ENGASE: variants seen among roughly 807,000 people sequenced by gnomAD.
ENGASE encodes cytosolic endo-beta-N-acetylglucosaminidase.
A neutral mutation model predicts 78.5 loss-of-function variants in ENGASE; 69 were observed. The ratio of observed to expected loss-of-function variants is 0.88; its 90% CI spans 0.72 to 1.07. ENGASE has a LOEUF of 1.07. Among genes scored for constraint, ENGASE ranks in the 50% least tolerant of loss-of-function variants. The pLI is 0.00. For synonymous variants in ENGASE, 408 were observed against 408.9 expected, an observed-to-expected ratio of 1.00 and a Z score of 0.03; for missense variants, 943 against 988.4, an observed-to-expected ratio of 0.95 and a Z score of 0.62.
chr17:79,075,118 C>G (rs534427396), intron 1 of ENGASE, 28 bp downstream of exon 1: 70 of 1,204,560 alleles, frequency 5.8e-5, no homozygotes, highest in Non-Finnish European at 6.9e-5. Flanking sequence ...GCGTGAACCC[C>G]GATCCGCGGG....
intron 7 of ENGASE, 125 bp from the exon 8 acceptor site, chr17:79,082,895 G>A: frequency 6.4e-7 from 1 of 1,571,978 alleles, no homozygotes; most frequent in Non-Finnish European, 8.6e-7. Context: ...TAGGAGGGAG[G>A]GGTTGGACAG....
chr17:79,078,678 A>G (rs983734280), intron 3 of ENGASE, among the ~76,000 whole-genome samples: 1 of 152,210 alleles, frequency 6.6e-6, no homozygotes, highest in Non-Finnish European at 1.5e-5. Flanking sequence ...TTAAATGTCC[A>G]TAAAACAATC....
intron 3 of ENGASE, among the ~76,000 whole-genome samples, chr17:79,078,263 C>T (rs1294900359): frequency 2.6e-5 from 4 of 152,256 alleles, no homozygotes; most frequent in Middle Eastern, 6.8e-3. Context: ...TCGCTTGAAC[C>T]AGGGAGGCAG....
rs369619589 is a variant in ENGASE, at chr17:79,080,945, G to C, written c.744G>C (p.Met248Ile). The change falls in exon 6 of 14, where the codon ATG (methionine) becomes ATC (isoleucine). Residue 248 changes from methionine to isoleucine, a missense_variant. Physicochemically the swap from Met to Ile is conservative, Grantham distance 10. Coordinates refer to ENST00000579016, the MANE Select transcript of ENGASE (RefSeq NM_001042573.3). Reference sequence around the variant, plus strand: ...TTCAGCTGGCCGCTGTGGGGAACATGCCTCCTTTCCTGCGGTACCTCACCA... The same window carrying C: ...TTCAGCTGGCCGCTGTGGGGAACATCCCTCCTTTCCTGCGGTACCTCACCA... ...NSLSLAAVGN[M>I]PPFLRYLTTQ... The C allele has an allele frequency of 6.2e-7, 1 of 1,612,950 alleles. No individual in the cohort carries two copies. Among genetic ancestry groups the C allele is most frequent in the Non-Finnish European group, 8.5e-7 (1 of 1,179,564 alleles).
chr17:79,084,470 G>C, intron 10 of ENGASE, 68 bp from the exon 11 acceptor site: 1 of 1,451,418 alleles, frequency 6.9e-7, no homozygotes, highest in Non-Finnish European at 9.1e-7. Context: ...TGGTGGACGC[G>C]ATTTGGAGCT....
rs2073239144 is a variant in ENGASE at position 79,084,636 on chromosome 17, C to G, written c.1541C>G (p.Thr514Ser). 6.2e-7 allele frequency: 1 copy of G among 1,613,386 alleles called. No homozygotes were observed. The change falls in exon 11 of 14, where the codon ACC becomes AGC. Residue 514 changes from threonine to serine, a missense_variant. Transcript: ENST00000579016. ...GACGTCACAGTTGCTTTGGAGCTGA[C>G]CACAGGGGATGCCGGCAGCTGCCAC... Reference protein sequence around the residue: ...PTDVTVALELTTGDAGSCHIG... With the variant: ...PTDVTVALELSTGDAGSCHIG...
chr17:79,084,764 G>C, intron 11 of ENGASE, 78 bp downstream of exon 11: 9 of 1,508,522 alleles, frequency 6.0e-6, no homozygotes, highest in Non-Finnish European at 6.3e-6. Flanking sequence ...GGCTCCTGGG[G>C]TGTGGGGAGG....
At chr17:79,082,766 A>T (rs2073179202) in intron 7 of ENGASE, 1 of 1,461,478 alleles carries the variant, frequency 6.8e-7, no homozygotes, top group Admixed American at 2.1e-5. Context: ...AGCCACAGCC[A>T]GTTGGGGCCC....
At chr17:79,081,363 A>G (rs1038099731) in intron 6 of ENGASE, among the ~76,000 whole-genome samples, 4 of 152,116 alleles carry the variant, frequency 2.6e-5, no homozygotes, top group South Asian at 2.1e-4. Flanking sequence ...TTAGCTGGGC[A>G]TGGTGGTGGG....
Position 79,083,158 on chromosome 17 carries a change from T to G in ENGASE, c.1142+35T>G. 6.8e-7 allele frequency: 1 copy of G among 1,473,732 alleles called. No individual in the cohort carries two copies. Among genetic ancestry groups the G allele is most frequent in the African/African-American group, 1.4e-5 (1 of 71,874 alleles). 91.3% of individuals were successfully genotyped at this position (1,473,732 alleles called of 1,614,324 possible). On this transcript the variant is annotated intron_variant, in intron 8 of 13. Transcript: ENST00000579016. This position sits in a 1 kb window ranked among gnomAD's most constrained non-coding sequence, Gnocchi z 4.9. ...GCTGTCCTGGGTGCTTAGTGCAGGC[T>G]GATGGGAGGGAGGGGTTTCTGGTGT...
In ENGASE at chr17:79,076,656, C is replaced by A. The variant is rs1324378260; in HGVS notation, c.147-774C>A. Among the ~76,000 whole-genome samples, 10 of 152,350 alleles carry A rather than the reference C, an allele frequency of 6.6e-5. No homozygotes were observed. The South Asian group carries it at 1.7e-3, about 25-fold the overall frequency. ...CCGAAGGAACGAAGGAACTCTTTCT[C>A]CCTGTAACATACATCCATGAACAGC... On this transcript the variant is annotated intron_variant, in intron 1 of 13. Coordinates refer to ENST00000579016, the MANE Select transcript of ENGASE (RefSeq NM_001042573.3).
Position 79,083,384 on chromosome 17 carries a change from T to A in ENGASE, c.1143-98T>A. ...CTCCTGGAAGTCCTGTCTTGGAGGG[T>A]GCAGGAGAGCCTCGAGTTTCCACCA... On this transcript the variant is annotated intron_variant, in intron 8 of 13. Coordinates refer to ENST00000579016, the MANE Select transcript of ENGASE (RefSeq NM_001042573.3). The surrounding 1 kb of genome is among the most constrained non-coding windows in gnomAD (Gnocchi z 4.9). 4 of 894,398 alleles carry A rather than the reference T, an allele frequency of 4.5e-6. No homozygotes were observed. The highest frequency in any genetic ancestry group is 2.2e-4 in the Middle Eastern group (1 of 4,594). 55.4% of individuals were successfully genotyped at this position (894,398 alleles called of 1,614,324 possible).
intron 1 of ENGASE, among the ~76,000 whole-genome samples, chr17:79,076,317 A>C (rs2072967253): frequency 6.6e-6 from 1 of 152,212 alleles, no homozygotes; most frequent in Non-Finnish European, 1.5e-5. Context: ...CTGTAATCTC[A>C]GCACTTGGGA....
chr17:79,080,118 G>A, intron 4 of ENGASE, 89 bp from the exon 5 acceptor site: 1 of 1,426,566 alleles, frequency 7.0e-7, no homozygotes, highest in Non-Finnish European at 9.4e-7. Flanking sequence ...TGATACTGAA[G>A]CTGCTGGTTC....
chr17:79,086,918 G>C lies in ENGASE; in HGVS notation c.*569G>C, dbSNP rs994954505. 5 of 461,648 alleles carry C rather than the reference G, an allele frequency of 1.1e-5. No individual in the cohort carries two copies. The highest frequency in any genetic ancestry group is 2.2e-5 in the Non-Finnish European group (5 of 230,570). 28.6% of individuals were successfully genotyped at this position (461,648 alleles called of 1,614,324 possible). A position where few individuals can be genotyped will look rare whatever the true frequency, so the allele number is the denominator to read the frequency against. ...GAAGGCCCTTTTCCCTGAGGAGTGG[G>C]CATTCTGGGCCAGCCGGCGCTGGCT... On this transcript the variant is annotated 3_prime_UTR_variant, in exon 14 of 14. Coordinates refer to ENST00000579016, the MANE Select transcript of ENGASE (RefSeq NM_001042573.3).
chr17:79,075,074 C>A lies in ENGASE; in HGVS notation c.130C>A (p.Arg44=). ...GGATCAGGAGCCGCGGCCGCGGCGG[C>A]GGCGGCCGGGAAGGAGGTGGGGCTG... ...QEDQEPRPRR[R]RPGRSIKDEE... The change falls in exon 1 of 14, where the codon CGG becomes AGG. Residue 44 remains arginine, a synonymous_variant. Coordinates refer to ENST00000579016, the MANE Select transcript of ENGASE (RefSeq NM_001042573.3). 1 of 1,206,880 alleles carries A rather than the reference C, an allele frequency of 8.3e-7. No individual in the cohort carries two copies. The highest frequency in any genetic ancestry group is 1.0e-6 in the Non-Finnish European group (1 of 970,450). The allele number at this position is 1,206,880 out of a possible 1,614,324, so 74.8% of individuals were successfully genotyped here.
chr17:79,077,905 T>C, intron 3 of ENGASE, 41 bp downstream of exon 3: 5 of 970,322 alleles, frequency 5.2e-6, no homozygotes, highest in African/African-American at 1.6e-5. Context: ...TACATTGTTC[T>C]CCTTTGCTGG....
At chr17:79,084,978 G>A (rs1326549749) in intron 11 of ENGASE, among the ~76,000 whole-genome samples, 1 of 152,186 alleles carries the variant, frequency 6.6e-6, no homozygotes, top group African/African-American at 2.4e-5. Flanking sequence ...GCCGTGGCGT[G>A]GAGAGGGGCG....
chr17:79,075,203 G>C (rs2072939066), intron 1 of ENGASE, 113 bp downstream of exon 1: 1 of 1,138,028 alleles, frequency 8.8e-7, no homozygotes, highest in African/African-American at 1.6e-5. Context: ...CGGCGCCTGT[G>C]TCCGCTCCGT....
Sources: allele counts gnomAD v4.1 joint callset (sites outside exome capture counted in the v4.1 genomes callset), GRCh38; gene constraint gnomAD v4.1.1; non-coding constraint Gnocchi (gnomAD v3.1); transcripts MANE v1.5; gene names NCBI Gene and HGNC (gene_info 2026-07-23, HGNC 2026-07-21).